The following ADH1B variants were observed in gnomAD, a reference collection of about 807,000 sequenced individuals.
ADH1B encodes all-trans-retinol dehydrogenase [NAD(+)] ADH1B.
In ADH1B, 29 loss-of-function variants were observed where a neutral mutation model predicts 34.6. That is an observed-to-expected ratio of 0.84 (90% CI 0.62 to 1.14). ADH1B has a LOEUF of 1.14. ADH1B is among the 50% of genes most tolerant of loss of function. The pLI is 0.00. For synonymous variants in ADH1B, 170 were observed against 175.5 expected (o/e 0.97, Z 0.25); for missense variants, 424 against 468.4 (o/e 0.91, Z 0.87).
rs1385284940 is a variant in ADH1B at position 99,305,580 on chromosome 4, T to C, written c.*2260A>G. The C allele has an allele frequency of 1.1e-5, 1 of 89,972 alleles. No homozygotes were observed. Among genetic ancestry groups the C allele is most frequent in the African/African-American group, 3.9e-5 (1 of 25,712 alleles). 5.6% of individuals were successfully genotyped at this position (89,972 alleles called of 1,614,324 possible). On this transcript the variant is annotated 3_prime_UTR_variant, in exon 9 of 9. Coordinates refer to ENST00000305046, the MANE Select transcript of ADH1B (RefSeq NM_000668.6). ...CATAGTGTATATATATATATATATA[T>C]ATATATATATATATATATATATATA...
chr4:99,318,143 A>G lies in ADH1B; in HGVS notation c.162T>C (p.Val54=). Residue 54 remains valine, a synonymous_variant, in exon 3 of 9, where the codon GTT becomes GTC. Coordinates refer to ENST00000305046, the MANE Select transcript of ADH1B (RefSeq NM_000668.6). ...GAAGGGGGGTCACCAGGTTGCCACT[A>G]ACCACGTGGTCATCTGTGTGACAGA... ...VGICHTDDHV[V]SGNLVTPLPV... 1 of 1,614,092 alleles carries G rather than the reference A, an allele frequency of 6.2e-7. No homozygotes were observed. The highest frequency in any genetic ancestry group is 8.5e-7 in the Non-Finnish European group (1 of 1,179,996).
At chr4:99,314,935 C>T (rs769988036) in intron 5 of ADH1B, 6 of 152,166 alleles carry the variant, frequency 3.9e-5, no homozygotes, top group Non-Finnish European at 2.9e-5. Context: ...AACATGCTTT[C>T]CTGTCCCAAG....
At chr4:99,316,152 G>C (rs575310578) in intron 4 of ADH1B, 35 bp from the exon 5 acceptor site, 3 of 1,614,138 alleles carry the variant, frequency 1.9e-6, no homozygotes, top group South Asian at 2.2e-5. Context: ...ACAAAGGCAT[G>C]AGACAGGAGC....
chr4:99,311,401 G>T lies in ADH1B; in HGVS notation c.964+120C>A, dbSNP rs923754350. On this transcript the variant is annotated intron_variant, in intron 7 of 8. Transcript: ENST00000305046. ...AGAAAAGGAATTTAAATTTATTTTTGATTTGTTTTCAAAATCTTGCCTTGT... is the reference window on the plus strand; with the variant it reads ...AGAAAAGGAATTTAAATTTATTTTTTATTTGTTTTCAAAATCTTGCCTTGT... The T allele has an allele frequency of 1.5e-5, 18 of 1,232,134 alleles. No individual in the cohort carries two copies. The African/African-American group carries it at 2.0e-4, about 14-fold the overall frequency. The allele number at this position is 1,232,134 out of a possible 1,614,324, so 76.3% of individuals were successfully genotyped here.
chr4:99,307,683 T>C lies in ADH1B; in HGVS notation c.*157A>G. The C allele has an allele frequency of 1.1e-6, 1 of 903,192 alleles. No homozygotes were observed. The highest frequency in any genetic ancestry group is 1.6e-5 in the South Asian group (1 of 62,510). The allele number at this position is 903,192 out of a possible 1,614,324, so 55.9% of individuals were successfully genotyped here. A position where few individuals can be genotyped will look rare whatever the true frequency, so the allele number is the denominator to read the frequency against. On this transcript the variant is annotated 3_prime_UTR_variant, in exon 9 of 9. Transcript: ENST00000305046. ...AATTTTAAATTTTCCTGAAAAATAA[T>C]TTCCCATCAATTTCCATTTCTTTGG...
chr4:99,320,946 TA>T, intron 1 of ADH1B: 2 of 1,231,110 alleles, frequency 1.6e-6, no homozygotes, highest in Admixed American at 3.0e-5. Context: ...ATAAAAATAA[TA>T]ACACATTTGA....
chr4:99,312,178 T>A (rs1445600834), intron 6 of ADH1B, among the ~76,000 whole-genome samples: 4 of 152,154 alleles, frequency 2.6e-5, no homozygotes, highest in Non-Finnish European at 5.9e-5. Context: ...TGTTCTGTAG[T>A]TAGAAAATGG....
Position 99,318,791 on chromosome 4 carries a change from G to A in ADH1B, c.114C>T (p.Arg38=). The A allele has an allele frequency of 6.2e-7, 1 of 1,610,530 alleles. No homozygotes were observed. ...AAATGGAAAAATATTTCACCTTAAT[G>A]CGAACTTCATAAGCCTTAGGAGGTG... is the stretch of plus-strand genomic sequence containing the variant. ...EVAPPKAYEV[R]IKMVAVGICH... Residue 38 remains arginine, a synonymous_variant, in exon 2 of 9, where the codon CGC becomes CGT. Coordinates refer to ENST00000305046, the MANE Select transcript of ADH1B (RefSeq NM_000668.6).
Position 99,318,861 on chromosome 4 carries a change from A to G in ADH1B, c.44T>C (p.Leu15Pro), listed in dbSNP as rs778345918. 2.5e-6 allele frequency: 4 copies of G among 1,613,838 alleles called. No homozygotes were observed. The African/African-American group carries it at 5.3e-5, about 22-fold the overall frequency. Residue 15 changes from leucine (L) to proline (P), a missense_variant, in exon 2 of 9, where the codon CTA (leucine) becomes CCA (proline). Physicochemically the swap from Leu to Pro is moderately conservative, Grantham distance 98. Transcript: ENST00000305046. ...GGAAAAGGGTTTCTTTACCTCCCAT[A>G]GCACAGCTGCTTTGCATTTGATTAC... ...GKVIKCKAAV[L>P]WEVKKPFSIE...
In ADH1B at chr4:99,313,869, A is replaced by C. The variant is rs765419231; in HGVS notation, c.780T>G (p.Asp260Glu). 19 of 1,613,920 alleles carry C rather than the reference A, an allele frequency of 1.2e-5. No homozygotes were observed. Among genetic ancestry groups the C allele is most frequent in the Non-Finnish European group, 1.5e-5 (18 of 1,179,914 alleles). The change falls in exon 6 of 9, where the codon GAT becomes GAG. Residue 260 changes from aspartate (D) to glutamate (E), a missense_variant. Asp to Glu is a conservative substitution (Grantham distance 45). Around this residue, in one of 3 missense-constraint regions of ADH1B, gnomAD observed 130 missense variants for 151.8 expected, o/e 0.86. Coordinates refer to ENST00000305046, the MANE Select transcript of ADH1B (RefSeq NM_000668.6). ...PIQEVLKEMT[D>E]GGVDFSFEVI... The stretch of plus-strand genomic sequence containing the variant: ...CTTCAAACGAAAAATCCACACCTCC[A>C]TCAGTCATTTCCTTTAGCACTTCCT...
chr4:99,321,105 C>A (rs962652420), intron 1 of ADH1B, among the ~76,000 whole-genome samples: 2 of 152,102 alleles, frequency 1.3e-5, no homozygotes, highest in Admixed American at 1.3e-4. Context: ...GACACAGGTT[C>A]TATACATTCC....
chr4:99,311,479 T>A lies in ADH1B; in HGVS notation c.964+42A>T, dbSNP rs375137438. 5 of 1,602,788 alleles carry A rather than the reference T, an allele frequency of 3.1e-6. No individual in the cohort carries two copies. In the African/African-American group the frequency reaches 5.4e-5, roughly 17 times the overall value. On this transcript the variant is annotated intron_variant, in intron 7 of 8. Transcript: ENST00000305046. ...ATTATATTGAGATTAATGAGATATA[T>A]TGAGATTAATGAGAATTTGGCACTT...
chr4:99,321,363 C>CTGTG lies in ADH1B; in HGVS notation c.-36_-33dup. ...TCTGTCTTCTCTGCCCACCAGCAGACTGTGAGTCTTTGTGGATTTCTTCTC... is the reference window on the plus strand; with the variant it reads ...TCTGTCTTCTCTGCCCACCAGCAGACTGTGTGTGAGTCTTTGTGGATTTCTTCTC... On this transcript the variant is annotated 5_prime_UTR_variant, in exon 1 of 9. Coordinates refer to ENST00000305046, the MANE Select transcript of ADH1B (RefSeq NM_000668.6). The CTGTG allele has an allele frequency of 6.2e-7, 1 of 1,609,420 alleles. No individual in the cohort carries two copies. The highest frequency in any genetic ancestry group is 1.3e-5 in the African/African-American group (1 of 74,824).
At chr4:99,313,050 A>G (rs1326629640) in intron 6 of ADH1B, among the ~76,000 whole-genome samples, 1 of 149,216 alleles carries the variant, frequency 6.7e-6, no homozygotes, top group Non-Finnish European at 1.5e-5. Context: ...TTTTTGAGAC[A>G]GAGTTTCACT....
chr4:99,314,121 T>A (rs1229314503), intron 5 of ADH1B, 40 bp from the exon 6 acceptor site: 1 of 1,606,426 alleles, frequency 6.2e-7, no homozygotes, highest in South Asian at 1.1e-5. Flanking sequence ...TAAGTGATGA[T>A]TGTTAGAAAG....
At position 99,311,533 on chromosome 4, in the gene ADH1B, C is replaced by T; in HGVS notation, c.952G>A (p.Ala318Thr). ...LLLTGRTWKG[A>T]VYGGFKSKEG... ...CCCAACTACATACCACCATAAACAG[C>T]CCCCTTCCAGGTGCGTCCAGTCAGT... Residue 318 changes from alanine to threonine, a missense_variant, in exon 7 of 9, where the codon GCT (alanine) becomes ACT (threonine). Physicochemically the swap from Ala to Thr is moderately conservative, Grantham distance 58 (BLOSUM62 0). Coordinates refer to ENST00000305046, the MANE Select transcript of ADH1B (RefSeq NM_000668.6). 3.7e-6 allele frequency: 6 copies of T among 1,613,608 alleles called. No homozygotes were observed. The highest frequency in any genetic ancestry group is 5.1e-6 in the Non-Finnish European group (6 of 1,179,718).
chr4:99,313,633 G>A (rs918628363), intron 6 of ADH1B, 188 bp downstream of exon 6: 2 of 1,082,472 alleles, frequency 1.8e-6, no homozygotes, highest in African/African-American at 1.6e-5. Context: ...CTTGAGACAG[G>A]TTTGGGTAAT....
chr4:99,316,752 AATAAAT>A (rs1262658896), intron 3 of ADH1B: 1 of 152,372 alleles, frequency 6.6e-6, no homozygotes, highest in Admixed American at 6.5e-5. Context: ...ATTGATTTAC[AATAAAT>A]ATGAGAATTT....
rs751573568 is a variant in ADH1B at position 99,318,806 on chromosome 4, C to T, written c.99G>A (p.Lys33=). Residue 33 remains lysine (K), a synonymous_variant, in exon 2 of 9, where the codon AAG becomes AAA. Coordinates refer to ENST00000305046, the MANE Select transcript of ADH1B (RefSeq NM_000668.6). ...TCACCTTAATGCGAACTTCATAAGC[C>T]TTAGGAGGTGCAACCTCCACATCCT... ...SIEDVEVAPP[K]AYEVRIKMVA... is the part of the protein sequence containing the mutation. 11 of 1,613,608 alleles carry T rather than the reference C, an allele frequency of 6.8e-6. No homozygotes were observed. In the South Asian group the frequency reaches 8.8e-5, roughly 13 times the overall value.
Sources: gnomAD v4.1 joint callset for allele counts (sites outside exome capture counted in the v4.1 genomes callset) on GRCh38, gnomAD v4.1.1 for gene constraint, gnomAD v4.1.1 regional missense constraint, MANE v1.5 for transcripts, NCBI Gene and HGNC (gene_info 2026-07-23, HGNC 2026-07-21) for gene names.